Variants in MPRIP observed in about 807,000 individuals in gnomAD.
MPRIP encodes myosin phosphatase Rho interacting protein, also known as myosin phosphatase Rho-interacting protein.
In MPRIP, 59 loss-of-function variants were observed where a neutral mutation model predicts 234.9. The observed-to-expected ratio is 0.25, with a 90% confidence interval of 0.20 to 0.31. MPRIP has a LOEUF of 0.31. Among genes scored for constraint, MPRIP ranks in the 10% least tolerant of loss-of-function variants. The probability of loss-of-function intolerance (pLI) is 1.00; values close to 1 mark genes in which losing one functional copy is unlikely to be tolerated. For missense variants in MPRIP, 2,436 were observed against 3,071.0 expected, an observed-to-expected ratio of 0.79 and a Z score of 4.89; for synonymous variants, 1,144 against 1,263.9, an observed-to-expected ratio of 0.91 and a Z score of 2.01.
chr17:17,069,237 TAAC>T (rs1371530303), intron 1 of MPRIP, among the ~76,000 whole-genome samples: 1 of 151,376 alleles, frequency 6.6e-6, no homozygotes, highest in African/African-American at 2.4e-5. Flanking sequence ...TCTGATAACA[TAAC>T]AACTCTGCTC....
rs1255658159 is a variant in MPRIP at position 17,186,832 on chromosome 17, C to T, written c.*1938C>T. On this transcript the variant is annotated 3_prime_UTR_variant, in exon 24 of 24. Transcript: ENST00000651222. ...AATATACAGAAGGAACATTCGGGAC[C>T]CCGCTGTCCCCCACAGCCTCATTGT... is the stretch of plus-strand genomic sequence containing the variant. 1 of 152,280 alleles carries T rather than the reference C, an allele frequency of 6.6e-6. No individual in the cohort carries two copies. The highest frequency in any genetic ancestry group is 2.4e-5 in the African/African-American group (1 of 41,458). The allele number at this position is 152,280 out of a possible 1,614,324, so 9.4% of individuals were successfully genotyped here. A position where few individuals can be genotyped will look rare whatever the true frequency, so the allele number is the denominator to read the frequency against.
chr17:17,176,811 C>A (rs2046264534), intron 21 of MPRIP, among the ~76,000 whole-genome samples: 1 of 152,214 alleles, frequency 6.6e-6, no homozygotes, highest in South Asian at 2.1e-4. Flanking sequence ...GGCTTGACTT[C>A]CATTTGAGCC....
In MPRIP at chr17:17,174,026, C is replaced by G; in HGVS notation, c.6701C>G (p.Ala2234Gly). Residue 2234 changes from alanine to glycine, a missense_variant, in exon 19 of 24, where the codon GCC becomes GGC. Ala to Gly is a moderately conservative substitution (Grantham distance 60, BLOSUM62 0). This residue lies in a region of MPRIP where 1,998 missense variants were observed against 2,520.3 expected (regional missense o/e 0.79). Coordinates refer to ENST00000651222, the MANE Select transcript of MPRIP (RefSeq NM_001364716.4). ...LAQALEAERQ[A>G]LRQCQRENQE... Reference sequence around the variant, plus strand: ...CAGGCGCTGGAGGCCGAGCGGCAGGCCCTGCGGCAGTGCCAGCGTGAGAAC... The same window carrying G: ...CAGGCGCTGGAGGCCGAGCGGCAGGGCCTGCGGCAGTGCCAGCGTGAGAAC... The G allele has an allele frequency of 1.2e-6, 2 of 1,613,432 alleles. No individual in the cohort carries two copies. Among genetic ancestry groups the G allele is most frequent in the Non-Finnish European group, 1.7e-6 (2 of 1,180,020 alleles).
chr17:17,116,554 C>T (rs896821125), intron 3 of MPRIP, among the ~76,000 whole-genome samples: 2 of 152,194 alleles, frequency 1.3e-5, no homozygotes, highest in Admixed American at 1.3e-4. Flanking sequence ...CACTGCTGTG[C>T]CTAGGAGGGT....
chr17:17,159,790 T>G (rs781776442), intron 14 of MPRIP, among the ~76,000 whole-genome samples: 2 of 152,226 alleles, frequency 1.3e-5, no homozygotes, highest in Non-Finnish European at 2.9e-5. Context: ...TTTTCAACAC[T>G]GTGTTTCAAA....
In MPRIP at chr17:17,164,430, G is replaced by A; in HGVS notation, c.2839G>A (p.Ala947Thr). The A allele has an allele frequency of 7.9e-7, 1 of 1,265,148 alleles. No individual in the cohort carries two copies. Among genetic ancestry groups the A allele is most frequent in the Non-Finnish European group, 1.0e-6 (1 of 974,896 alleles). The allele number at this position is 1,265,148 out of a possible 1,614,324, so 78.4% of individuals were successfully genotyped here. Residue 947 changes from alanine to threonine, a missense_variant, in exon 16 of 24, where the codon GCG becomes ACG. Ala to Thr is a moderately conservative substitution (Grantham distance 58). Coordinates refer to ENST00000651222, the MANE Select transcript of MPRIP (RefSeq NM_001364716.4). ...GGAGGAGCGGCAACACAGCGAGGCGGCGCTGAGCAGCCAGCTGAGGGCTAG... is the reference window on the plus strand; with the variant it reads ...GGAGGAGCGGCAACACAGCGAGGCGACGCTGAGCAGCCAGCTGAGGGCTAG... ...QLEERQHSEA[A>T]LSSQLRASEQ...
Position 17,164,326 on chromosome 17 carries a change from A to T in MPRIP, c.2735A>T (p.Glu912Val). 6.9e-6 allele frequency: 9 copies of T among 1,303,446 alleles called. No homozygotes were observed. The highest frequency in any genetic ancestry group is 9.1e-6 in the Non-Finnish European group (9 of 988,944). 80.7% of individuals were successfully genotyped at this position (1,303,446 alleles called of 1,614,324 possible). Residue 912 changes from glutamate (E) to valine (V), a missense_variant, in exon 16 of 24, where the codon GAG becomes GTG. Physicochemically the swap from Glu to Val is moderately radical, Grantham distance 121. Transcript: ENST00000651222. ...GCACGGCTCAGCAATGCGGCCGCTGAGCTAGCCATCAAGGAGCAGGCGCTG... is the reference window on the plus strand; with the variant it reads ...GCACGGCTCAGCAATGCGGCCGCTGTGCTAGCCATCAAGGAGCAGGCGCTG... Reference protein sequence around the residue: ...LQARLSNAAAELAIKEQALAK... With the variant: ...LQARLSNAAAVLAIKEQALAK...
chr17:17,178,212 T>C (rs1210386085), intron 22 of MPRIP, among the ~76,000 whole-genome samples: 1 of 152,140 alleles, frequency 6.6e-6, no homozygotes, highest in Non-Finnish European at 1.5e-5. Flanking sequence ...TGTGAGCCAC[T>C]GCACCTGGCC....
intron 3 of MPRIP, among the ~76,000 whole-genome samples, chr17:17,092,454 G>A (rs1429384863): frequency 6.6e-6 from 1 of 152,116 alleles, no homozygotes; most frequent in Non-Finnish European, 1.5e-5. Context: ...TTAGGTAGGT[G>A]GACACTTCTA....
intron 11 of MPRIP, among the ~76,000 whole-genome samples, chr17:17,149,157 T>G (rs2045541649): frequency 6.6e-6 from 1 of 152,192 alleles, no homozygotes; most frequent in Non-Finnish European, 1.5e-5. Context: ...GCCTACTGCT[T>G]GTCAAAGAAC....
chr17:17,189,919 G>C lies in MPRIP; in HGVS notation c.*5025G>C, dbSNP rs546949150. On this transcript the variant is annotated 3_prime_UTR_variant, in exon 24 of 24. Coordinates refer to ENST00000651222, the MANE Select transcript of MPRIP (RefSeq NM_001364716.4). ...TGGCAAAAGAGCCCACTTTCTAAAA[G>C]GACTTGGGAAGAAAGCTGCTGGGAA... 1 of 152,320 alleles carries C rather than the reference G, an allele frequency of 6.6e-6. No individual in the cohort carries two copies. The highest frequency in any genetic ancestry group is 1.5e-5 in the Non-Finnish European group (1 of 68,030). 9.4% of individuals were successfully genotyped at this position (152,320 alleles called of 1,614,324 possible).
In MPRIP at chr17:17,184,911, T is replaced by C. The variant is rs2046446086; in HGVS notation, c.*17T>C. 1 of 1,595,454 alleles carries C rather than the reference T, an allele frequency of 6.3e-7. No homozygotes were observed. Among genetic ancestry groups the C allele is most frequent in the Non-Finnish European group, 8.6e-7 (1 of 1,164,990 alleles). On this transcript the variant is annotated 3_prime_UTR_variant, in exon 24 of 24. Coordinates refer to ENST00000651222, the MANE Select transcript of MPRIP (RefSeq NM_001364716.4). ...AAAGACTAGGTGTGTCCCATCCAAG[T>C]TGAGCACGCGCCTTCCCCAGCTTGC...
intron 1 of MPRIP, among the ~76,000 whole-genome samples, chr17:17,046,137 T>C (rs1164692426): frequency 1.3e-5 from 2 of 152,224 alleles, no homozygotes; most frequent in Non-Finnish European, 2.9e-5. Context: ...TATCCTGAAC[T>C]GTGTGCATGT....
intron 1 of MPRIP, among the ~76,000 whole-genome samples, chr17:17,050,186 G>A (rs2088490615): frequency 6.6e-6 from 1 of 151,968 alleles, no homozygotes; most frequent in Admixed American, 6.6e-5. Flanking sequence ...GTGGTGGTGG[G>A]CGCCTGTAGT....
rs531443181 is a variant in MPRIP, at chr17:17,166,538, C to T, written c.4947C>T (p.Asp1649=). ...GAGAGGCAGTCGGTGCCTCAGGAGA[C>T]GGGCAGCAAAGCATCCCACAGGGCC... ...LGGEAVGASG[D]GQQSIPQGLA... Residue 1649 remains aspartate (D), a synonymous_variant, in exon 16 of 24, where the codon GAC becomes GAT. Transcript: ENST00000651222. The surrounding 1 kb of genome is among the most constrained non-coding windows in gnomAD (Gnocchi z 4.4). 5.4e-4 allele frequency: 709 copies of T among 1,304,228 alleles called. 2 individuals are homozygous for T. The highest frequency in any genetic ancestry group is 6.9e-4 in the South Asian group (56 of 81,028). 80.8% of individuals were successfully genotyped at this position (1,304,228 alleles called of 1,614,324 possible). A position where few individuals can be genotyped will look rare whatever the true frequency, so the allele number is the denominator to read the frequency against.
intron 5 of MPRIP, 85 bp from the exon 6 acceptor site, chr17:17,136,134 C>T (rs1467562998): frequency 8.1e-6 from 12 of 1,490,308 alleles, no homozygotes; most frequent in Non-Finnish European, 9.3e-6. Flanking sequence ...CCGGGTGCCC[C>T]CTATAGCTAG....
chr17:17,046,329 A>G (rs2088350186), intron 1 of MPRIP, among the ~76,000 whole-genome samples: 2 of 152,182 alleles, frequency 1.3e-5, no homozygotes, highest in African/African-American at 4.8e-5. Flanking sequence ...GCTGTTACAT[A>G]CAGTGAATGT....
chr17:17,116,408 G>A (rs1006267847), intron 3 of MPRIP, among the ~76,000 whole-genome samples: 3 of 152,238 alleles, frequency 2.0e-5, no homozygotes, highest in Non-Finnish European at 4.4e-5. Context: ...GAGGCAAGGT[G>A]GGGCAATTGG....
intron 1 of MPRIP, chr17:17,057,693 T>C (rs554101337): frequency 1.3e-4 from 94 of 718,090 alleles, no homozygotes; most frequent in South Asian, 8.4e-4. Context: ...TGCACGAATG[T>C]TCTCATGTTG....
Sources: gnomAD v4.1 joint callset for allele counts (sites outside exome capture counted in the v4.1 genomes callset) on GRCh38, gnomAD v4.1.1 for gene constraint, gnomAD v4.1.1 regional missense constraint, Gnocchi (gnomAD v3.1) non-coding constraint, MANE v1.5 for transcripts, NCBI Gene and HGNC (gene_info 2026-07-23, HGNC 2026-07-21) for gene names.